The following RHOT1 variants were observed in gnomAD, a reference collection of about 807,000 sequenced individuals.
The protein encoded by RHOT1 is mitochondrial Rho GTPase 1.
RHOT1 carries 27 observed loss-of-function variants against 95.3 expected under a neutral mutation model. The observed-to-expected ratio is 0.28, with a 90% CI of 0.21 to 0.39. RHOT1 has a LOEUF of 0.39. RHOT1 is among the 10% of genes least tolerant of loss of function. The probability of loss-of-function intolerance (pLI) is 1.00; values close to 1 mark genes in which losing one functional copy is unlikely to be tolerated. For missense variants in RHOT1, 578 were observed against 786.7 expected (o/e 0.73, Z 3.17); for synonymous variants, 227 against 263.5 (o/e 0.86, Z 1.34).
chr17:32,197,428 ATT>A (rs1288008589), intron 11 of RHOT1, among the ~76,000 whole-genome samples: 1 of 139,094 alleles, frequency 7.2e-6, no homozygotes, highest in African/African-American at 3.0e-5. Flanking sequence ...TTATTTTTTT[ATT>A]TTTTTATTTT....
chr17:32,145,675 A>G (rs770140921), intron 1 of RHOT1, among the ~76,000 whole-genome samples: 2 of 152,128 alleles, frequency 1.3e-5, no homozygotes. Context: ...GAATATATAC[A>G]GATTCATATT....
intron 18 of RHOT1, among the ~76,000 whole-genome samples, chr17:32,210,021 T>C (rs1370070796): frequency 2.0e-5 from 3 of 152,092 alleles, no homozygotes; most frequent in Non-Finnish European, 4.4e-5. Flanking sequence ...TTCTTCATAT[T>C]GGGAATTAGG....
At chr17:32,171,672 G>A (rs2034588749) in intron 2 of RHOT1, among the ~76,000 whole-genome samples, 1 of 152,180 alleles carries the variant, frequency 6.6e-6, no homozygotes, top group Non-Finnish European at 1.5e-5. Context: ...GTGAGTTGAA[G>A]TTAAGGGGAA....
At chr17:32,205,916 G>A (rs186675938) in intron 16 of RHOT1, among the ~76,000 whole-genome samples, 134 of 152,272 alleles carry the variant, frequency 8.8e-4, no homozygotes, top group African/African-American at 3.1e-3. Flanking sequence ...AATAAGCACC[G>A]AAGAGTGGCA....
chr17:32,200,636 T>TGG (rs1189865513), intron 13 of RHOT1, among the ~76,000 whole-genome samples: 3 of 152,032 alleles, frequency 2.0e-5, no homozygotes, highest in Non-Finnish European at 4.4e-5. Flanking sequence ...TAGCCAGGCT[T>TGG]GGGGGCACAT....
At chr17:32,223,435 G>A (rs542211904) in intron 19 of RHOT1, among the ~76,000 whole-genome samples, 2 of 140,536 alleles carry the variant, frequency 1.4e-5, no homozygotes, top group African/African-American at 2.7e-5. Flanking sequence ...TTTTTTTTGC[G>A]ATAGAGTCTC....
At chr17:32,152,322 A>G (rs186369672) in intron 1 of RHOT1, among the ~76,000 whole-genome samples, 25 of 152,364 alleles carry the variant, frequency 1.6e-4, no homozygotes, top group African/African-American at 5.8e-4. Context: ...ACTGACCTTC[A>G]GACTAATGAG....
rs1387404591 is a variant in RHOT1, at chr17:32,208,142, C to T, written c.1572C>T (p.Ile524=). The T allele has an allele frequency of 8.7e-6, 14 of 1,613,862 alleles. No homozygotes were observed. Among genetic ancestry groups the T allele is most frequent in the East Asian group, 4.5e-5 (2 of 44,886 alleles). ...TGGACAGCAGAATACCTTGCTTAAT[C>T]GTAGCTGCAAAGTCAGACCTGCATG... is the stretch of plus-strand genomic sequence containing the variant. The part of the protein sequence containing the change: ...HFMDSRIPCL[I]VAAKSDLHEV... Residue 524 remains isoleucine, a synonymous_variant, in exon 18 of 20, where the codon ATC becomes ATT. Coordinates refer to ENST00000545287, the MANE Select transcript of RHOT1 (RefSeq NM_001033566.3).
At position 32,176,230 on chromosome 17, in the gene RHOT1, C is replaced by CA; in HGVS notation, c.329+20dup. The CA allele has an allele frequency of 6.3e-7, 1 of 1,591,340 alleles. No individual in the cohort carries two copies. The highest frequency in any genetic ancestry group is 1.1e-5 in the South Asian group (1 of 89,000). On this transcript the variant is annotated intron_variant, in intron 6 of 19. Coordinates refer to ENST00000545287, the MANE Select transcript of RHOT1 (RefSeq NM_001033566.3). ...AGACAGCAGGTATTTTTTCCTCTCT[C>CA]AAACTTTTTATAATTAAAAAGTTTA...
chr17:32,159,113 G>A (rs1171553544), intron 1 of RHOT1, among the ~76,000 whole-genome samples: 6 of 152,190 alleles, frequency 3.9e-5, no homozygotes, highest in Non-Finnish European at 7.4e-5. Context: ...GAGCCCATGA[G>A]CACCCGGCTG....
At chr17:32,189,080 A>G (rs1001355539) in intron 8 of RHOT1, among the ~76,000 whole-genome samples, 2 of 152,194 alleles carry the variant, frequency 1.3e-5, no homozygotes, top group African/African-American at 4.8e-5. Context: ...CGGGTGGATC[A>G]TGAGGTAGGA....
intron 1 of RHOT1, chr17:32,159,638 G>A (rs2033346158): frequency 1.3e-5 from 2 of 152,804 alleles, no homozygotes; most frequent in Non-Finnish European, 2.9e-5. Flanking sequence ...CCTGGGTGCT[G>A]TTGCAGCCTG....
chr17:32,173,530 T>C (rs1843052086), intron 2 of RHOT1, among the ~76,000 whole-genome samples: 1 of 151,976 alleles, frequency 6.6e-6, no homozygotes, highest in South Asian at 2.1e-4. Flanking sequence ...GTGGCCAAGA[T>C]GGTGAAATCG....
intron 19 of RHOT1, among the ~76,000 whole-genome samples, chr17:32,213,610 A>G (rs916181820): frequency 2.6e-5 from 4 of 152,216 alleles, no homozygotes; most frequent in African/African-American, 9.6e-5. Context: ...TGATCTACCA[A>G]TATCATAATT....
At chr17:32,216,884 T>C (rs2038510977) in intron 19 of RHOT1, among the ~76,000 whole-genome samples, 2 of 152,206 alleles carry the variant, frequency 1.3e-5, no homozygotes, top group African/African-American at 4.8e-5. Context: ...AGTCCTGCTT[T>C]AGTTTCTTAT....
intron 1 of RHOT1, among the ~76,000 whole-genome samples, chr17:32,164,369 G>T (rs1398960780): frequency 6.6e-6 from 1 of 151,640 alleles, no homozygotes; most frequent in Non-Finnish European, 1.5e-5. Context: ...AAGCAGCTGG[G>T]ACTACAGGCG....
chr17:32,206,806 A>G (rs576234582), intron 16 of RHOT1, 104 bp from the exon 17 acceptor site: 5 of 833,038 alleles, frequency 6.0e-6, no homozygotes, highest in Admixed American at 2.8e-5. Context: ...CTTAACCAGT[A>G]CTTTTAAACT....
At chr17:32,210,675 G>A (rs1043641582) in intron 18 of RHOT1, among the ~76,000 whole-genome samples, 1 of 152,074 alleles carries the variant, frequency 6.6e-6, no homozygotes, top group Non-Finnish European at 1.5e-5. Flanking sequence ...TGGTTTTCAG[G>A]CATGTGTGTA....
intron 19 of RHOT1, among the ~76,000 whole-genome samples, chr17:32,219,102 G>C (rs2038667784): frequency 6.6e-6 from 1 of 152,188 alleles, no homozygotes; most frequent in South Asian, 2.1e-4. Flanking sequence ...ATAAGGTGGG[G>C]AGATGAGAGG....
Sources: gnomAD v4.1 joint callset for allele counts (sites outside exome capture counted in the v4.1 genomes callset) on GRCh38, gnomAD v4.1.1 for gene constraint, MANE v1.5 for transcripts, NCBI Gene and HGNC (gene_info 2026-07-23, HGNC 2026-07-21) for gene names.